Variants in BICD2 observed in about 807,000 individuals in gnomAD.
BICD2 encodes BICD cargo adaptor 2.
Under a neutral mutation model 72.9 loss-of-function variants are expected in BICD2, and 25 were observed. The ratio of observed to expected loss-of-function variants is 0.34; its 90% CI spans 0.25 to 0.48. The LOEUF is 0.48. Among genes scored for constraint, BICD2 ranks in the 20% least tolerant of loss-of-function variants. The pLI, the probability that BICD2 is intolerant of heterozygous loss-of-function variation, is 0.99. For missense variants in BICD2, 894 were observed against 1,175.2 expected (o/e 0.76, Z 3.50); for synonymous variants, 501 against 516.1 (o/e 0.97, Z 0.40).
chr9:92,725,505 G>T (rs564362267), intron 2 of BICD2, among the ~76,000 whole-genome samples: 1 of 152,364 alleles, frequency 6.6e-6, no homozygotes, highest in East Asian at 1.9e-4. Flanking sequence ...TCGCCATGGG[G>T]TTTAGTTTTC....
rs543850165 is a variant in BICD2, at chr9:92,713,376, C to G, written c.*1778G>C. The G allele has an allele frequency of 6.7e-7, 1 of 1,484,280 alleles. No homozygotes were observed. Among genetic ancestry groups the G allele is most frequent in the Non-Finnish European group, 9.2e-7 (1 of 1,086,186 alleles). 91.9% of individuals were successfully genotyped at this position (1,484,280 alleles called of 1,614,324 possible). A position where few individuals can be genotyped will look rare whatever the true frequency, so the allele number is the denominator to read the frequency against. The stretch of plus-strand genomic sequence containing the variant: ...TGGGCTTTTAGGTTGCCCTTCCTTC[C>G]TCCTTGTGGGCCACGAGAGGGAAGG... On this transcript the variant is annotated 3_prime_UTR_variant, in exon 7 of 7. Coordinates refer to ENST00000356884, the MANE Select transcript of BICD2 (RefSeq NM_001003800.2).
intron 1 of BICD2, among the ~76,000 whole-genome samples, chr9:92,750,663 T>G (rs1854127923): frequency 6.8e-6 from 1 of 147,490 alleles, no homozygotes; most frequent in African/African-American, 2.5e-5. Flanking sequence ...AAGCATAGGG[T>G]TTTTTTTTTA....
intron 1 of BICD2, among the ~76,000 whole-genome samples, chr9:92,733,836 G>A (rs959773004): frequency 1.3e-5 from 2 of 151,928 alleles, no homozygotes; most frequent in East Asian, 2.0e-4. Flanking sequence ...GCGTGGCGGC[G>A]GGCGCCCGTA....
At chr9:92,752,096 C>A (rs946238498) in intron 1 of BICD2, among the ~76,000 whole-genome samples, 1 of 152,100 alleles carries the variant, frequency 6.6e-6, no homozygotes, top group Non-Finnish European at 1.5e-5. Flanking sequence ...TGAGCCACTG[C>A]GCCCAGCCAC....
chr9:92,737,053 C>T (rs186591143), intron 1 of BICD2, among the ~76,000 whole-genome samples: 6 of 152,094 alleles, frequency 3.9e-5, no homozygotes, highest in African/African-American at 9.6e-5. Flanking sequence ...CCTGTGAGCA[C>T]GGGCCCATCT....
chr9:92,729,885 C>T (rs1013635470), intron 1 of BICD2, among the ~76,000 whole-genome samples: 2 of 152,214 alleles, frequency 1.3e-5, no homozygotes, highest in African/African-American at 4.8e-5. Flanking sequence ...AAGTGCAGGG[C>T]CTTGGGGCTC....
chr9:92,743,384 T>C (rs1189911029), intron 1 of BICD2, among the ~76,000 whole-genome samples: 1 of 136,638 alleles, frequency 7.3e-6, no homozygotes, highest in Non-Finnish European at 1.6e-5. Context: ...TTTTAAGAGA[T>C]GGGGTCTCAC....
chr9:92,713,957 G>A lies in BICD2; in HGVS notation c.*1197C>T, dbSNP rs1216615198. On this transcript the variant is annotated 3_prime_UTR_variant, in exon 7 of 7. Coordinates refer to ENST00000356884, the MANE Select transcript of BICD2 (RefSeq NM_001003800.2). ...AGAGAAGACTGCAGCCTCAGGTCCA[G>A]CTGGTCCCACAGGGTGATCGGGAAA... 5.1e-6 allele frequency: 5 copies of A among 989,516 alleles called. No individual in the cohort carries two copies. The highest frequency in any genetic ancestry group is 6.0e-6 in the Non-Finnish European group (5 of 832,408). 61.3% of individuals were successfully genotyped at this position (989,516 alleles called of 1,614,324 possible).
In BICD2 at chr9:92,716,981, C is replaced by A. The variant is rs28714669; in HGVS notation, c.2258+816G>T. The stretch of plus-strand genomic sequence containing the variant: ...TAGAGGATGGGAGGTGAGTACCCAG[C>A]GGTCACAATGACGCAGAGGTACAGG... On this transcript the variant is annotated intron_variant, in intron 6 of 6. Coordinates refer to ENST00000356884, the MANE Select transcript of BICD2 (RefSeq NM_001003800.2). Among the ~76,000 whole-genome samples, 1,032 of 152,332 alleles carry A rather than the reference C, an allele frequency of 6.8e-3. 14 individuals carry two copies. The highest frequency in any genetic ancestry group is 0.024 in the African/African-American group (982 of 41,570).
At chr9:92,762,720 A>G (rs12685780) in intron 1 of BICD2, among the ~76,000 whole-genome samples, 41,819 of 152,132 alleles carry the variant, frequency 0.27, 6,865 homozygotes, top group East Asian at 0.76. Context: ...GGACAAGTTA[A>G]GTCAGCGACA....
intron 1 of BICD2, among the ~76,000 whole-genome samples, chr9:92,740,300 A>G (rs1853874681): frequency 1.3e-5 from 2 of 152,214 alleles, no homozygotes; most frequent in South Asian, 4.1e-4. Context: ...GAACAAAGTA[A>G]AAGACAGTAT....
intron 1 of BICD2, among the ~76,000 whole-genome samples, chr9:92,763,081 G>C (rs1183013801): frequency 6.6e-6 from 1 of 152,154 alleles, no homozygotes; most frequent in Non-Finnish European, 1.5e-5. Context: ...GCCAATACCT[G>C]CTGACAGACA....
In BICD2 at chr9:92,714,973, G is replaced by A; in HGVS notation, c.*181C>T. 1 of 1,403,270 alleles carries A rather than the reference G, an allele frequency of 7.1e-7. No individual in the cohort carries two copies. The highest frequency in any genetic ancestry group is 9.2e-7 in the Non-Finnish European group (1 of 1,082,016). The allele number at this position is 1,403,270 out of a possible 1,614,324, so 86.9% of individuals were successfully genotyped here. ...TGCTCCTGAGGGGGCTTTGAGGAGTGAGAAGCGACACAAAGCTCTCACAAG... is the reference window on the plus strand; with the variant it reads ...TGCTCCTGAGGGGGCTTTGAGGAGTAAGAAGCGACACAAAGCTCTCACAAG... On this transcript the variant is annotated 3_prime_UTR_variant, in exon 7 of 7. Transcript: ENST00000356884.
intron 1 of BICD2, among the ~76,000 whole-genome samples, chr9:92,756,102 G>A (rs184179780): frequency 1.3e-5 from 2 of 152,086 alleles, no homozygotes; most frequent in Admixed American, 1.3e-4. Context: ...TGGTTTAGAA[G>A]GGCTTGGCAT....
intron 1 of BICD2, among the ~76,000 whole-genome samples, chr9:92,746,951 G>A (rs1359268046): frequency 6.6e-6 from 1 of 152,220 alleles, no homozygotes; most frequent in African/African-American, 2.4e-5. Flanking sequence ...CTAGTCAGCA[G>A]CCAGAGCTGC....
chr9:92,751,273 T>G (rs1039012121), intron 1 of BICD2, among the ~76,000 whole-genome samples: 24 of 151,874 alleles, frequency 1.6e-4, no homozygotes, highest in African/African-American at 5.8e-4. Context: ...GCCTCAGTCT[T>G]CCAAGTAGCT....
At chr9:92,724,962 T>C (rs1376036396) in intron 2 of BICD2, among the ~76,000 whole-genome samples, 1 of 151,782 alleles carries the variant, frequency 6.6e-6, no homozygotes, top group Non-Finnish European at 1.5e-5. Context: ...TCAGGCGGAG[T>C]GGAAGCTGAG....
chr9:92,755,081 C>T (rs779166542), intron 1 of BICD2, among the ~76,000 whole-genome samples: 26 of 152,340 alleles, frequency 1.7e-4, no homozygotes, highest in East Asian at 3.9e-4. Flanking sequence ...CAGCATGGAA[C>T]GTCCCTGAGA....
Position 92,715,254 on chromosome 9 carries a change from C to T in BICD2, c.2468G>A (p.Ser823Asn), listed in dbSNP as rs1853279588. The change falls in exon 7 of 7, where the codon AGC (serine) becomes AAC (asparagine). Residue 823 changes from serine (S) to asparagine (N), a missense_variant. Around this residue, in one of 5 missense-constraint regions of BICD2, gnomAD observed 321 missense variants for 443.9 expected, o/e 0.72. Coordinates refer to ENST00000356884, the MANE Select transcript of BICD2 (RefSeq NM_001003800.2). Reference sequence around the variant, plus strand: ...GGCACAGGCACAGGTGTGACTTACGCTCGGTGTGGCTGGCTTGGTCTTCGG... The same window carrying T: ...GGCACAGGCACAGGTGTGACTTACGTTCGGTGTGGCTGGCTTGGTCTTCGG... Reference protein sequence around the residue: ...AAPKTKPATPSVSHTCACASD... With the variant: ...AAPKTKPATPNVSHTCACASD... The T allele has an allele frequency of 4.3e-6, 7 of 1,613,306 alleles. 1 individual carries two copies. In the Middle Eastern group the frequency reaches 6.6e-4, roughly 152 times the overall value.
Sources: allele counts gnomAD v4.1 joint callset (sites outside exome capture counted in the v4.1 genomes callset), GRCh38; gene constraint gnomAD v4.1.1; regional missense constraint gnomAD v4.1.1; transcripts MANE v1.5; gene names NCBI Gene and HGNC (gene_info 2026-07-23, HGNC 2026-07-21).